CCDC146: variants seen among roughly 807,000 people sequenced by gnomAD.
The protein encoded by CCDC146 is coiled-coil domain-containing protein 146.
In CCDC146, 92 loss-of-function variants were observed where a neutral mutation model predicts 119.3. The ratio of observed to expected loss-of-function variants is 0.77; its 90% CI spans 0.65 to 0.92. The LOEUF (loss-of-function observed/expected upper bound fraction) is 0.92, where lower values mean the gene tolerates loss of function less well. Among genes scored for constraint, CCDC146 ranks in the 40% least tolerant of loss-of-function variants. The pLI, the probability that CCDC146 is intolerant of heterozygous loss-of-function variation, is 0.00. For synonymous variants in CCDC146, 372 were observed against 371.8 expected, an observed-to-expected ratio of 1.00 and a Z score of -0.01; for missense variants, 1,000 against 1,103.0, an observed-to-expected ratio of 0.91 and a Z score of 1.32.
At chr7:77,242,073 T>C (rs1289404349) in intron 4 of CCDC146, among the ~76,000 whole-genome samples, 173 bp downstream of exon 4, 1 of 152,234 alleles carries the variant, frequency 6.6e-6, no homozygotes, top group Non-Finnish European at 1.5e-5. Flanking sequence ...ACAAGAAAGT[T>C]ACACTTCTCG....
chr7:77,167,059 C>T (rs1248314796), intron 1 of CCDC146, among the ~76,000 whole-genome samples: 1 of 152,160 alleles, frequency 6.6e-6, no homozygotes, highest in Non-Finnish European at 1.5e-5. Flanking sequence ...ATTAAAAGAA[C>T]AGCAGAACTT....
intron 17 of CCDC146, among the ~76,000 whole-genome samples, chr7:77,288,332 A>G (rs975537393): frequency 1.3e-5 from 2 of 152,174 alleles, no homozygotes; most frequent in Non-Finnish European, 2.9e-5. Flanking sequence ...TAAAGAAAAG[A>G]GGTTTATTTT....
At chr7:77,189,952 A>G (rs564108265) in intron 2 of CCDC146, among the ~76,000 whole-genome samples, 1 of 152,134 alleles carries the variant, frequency 6.6e-6, no homozygotes, top group South Asian at 2.1e-4. Flanking sequence ...GGTATTTATC[A>G]TGTATTTGTC....
intron 2 of CCDC146, among the ~76,000 whole-genome samples, chr7:77,183,986 A>T (rs184709991): frequency 6.3e-4 from 96 of 152,324 alleles, no homozygotes; most frequent in Admixed American, 5.6e-3. Flanking sequence ...TGGATTACTG[A>T]ATGTATTTCC....
chr7:77,168,965 C>A lies in CCDC146; in HGVS notation c.156+1141C>A, dbSNP rs534856711. ...CAGGAAATTAACATTGATATAATACCATTTTCTAATCTGCATACCTTATTC... is the reference window on the plus strand; with the variant it reads ...CAGGAAATTAACATTGATATAATACAATTTTCTAATCTGCATACCTTATTC... On this transcript the variant is annotated intron_variant, in intron 2 of 18. Transcript: ENST00000285871. 2.5e-3 allele frequency among the ~76,000 whole-genome samples: 374 copies of A among 151,934 alleles called. 5 individuals are homozygous for A. Among genetic ancestry groups the A allele is most frequent in the Middle Eastern group, 3.4e-3 (1 of 292 alleles).
intron 2 of CCDC146, among the ~76,000 whole-genome samples, chr7:77,183,080 A>G (rs1478490717): frequency 6.6e-6 from 1 of 152,166 alleles, no homozygotes; most frequent in Non-Finnish European, 1.5e-5. Flanking sequence ...AAATGGAGGC[A>G]TGACTTTCAC....
chr7:77,235,188 G>T (rs376340932), intron 2 of CCDC146, among the ~76,000 whole-genome samples: 204 of 152,264 alleles, frequency 1.3e-3, no homozygotes, highest in South Asian at 0.012. Context: ...GGTAATCTGG[G>T]CCCTTTCCTC....
chr7:77,208,008 C>T lies in CCDC146; in HGVS notation c.157-28939C>T, dbSNP rs117295468. 1.1e-3 allele frequency among the ~76,000 whole-genome samples: 169 copies of T among 152,256 alleles called. 1 individual carries two copies. The highest frequency in any genetic ancestry group is 2.5e-3 in the South Asian group (12 of 4,824). ...CCCTGGGAATAACAAGGGTGAAAAACGGACACATCCTTGACTTTGTGGTGC... is the reference window on the plus strand; with the variant it reads ...CCCTGGGAATAACAAGGGTGAAAAATGGACACATCCTTGACTTTGTGGTGC... On this transcript the variant is annotated intron_variant, in intron 2 of 18. Transcript: ENST00000285871.
At chr7:77,140,576 C>T (rs1208285291) in intron 1 of CCDC146, among the ~76,000 whole-genome samples, 1 of 152,160 alleles carries the variant, frequency 6.6e-6, no homozygotes. Context: ...CTAATCCCAT[C>T]GTGAGGCTCC....
rs1025865508 is a variant in CCDC146, at chr7:77,175,395, A to G, written c.156+7571A>G. 2.7e-5 allele frequency among the ~76,000 whole-genome samples: 4 copies of G among 149,640 alleles called. 1 individual carries two copies. Among genetic ancestry groups the G allele is most frequent in the African/African-American group, 1.0e-4 (4 of 39,730 alleles). ...AGGAGCATTGCATTTGGGAGGCATAAAAGGGAGAACAAACATTGTAGGGAA... is the reference window on the plus strand; with the variant it reads ...AGGAGCATTGCATTTGGGAGGCATAGAAGGGAGAACAAACATTGTAGGGAA... On this transcript the variant is annotated intron_variant, in intron 2 of 18. Coordinates refer to ENST00000285871, the MANE Select transcript of CCDC146 (RefSeq NM_020879.3).
intron 2 of CCDC146, among the ~76,000 whole-genome samples, chr7:77,200,523 C>T (rs187090403): frequency 2.0e-5 from 3 of 152,212 alleles, no homozygotes; most frequent in Non-Finnish European, 4.4e-5. Flanking sequence ...GCCTCCTTTG[C>T]CCTTCGACAT....
intron 9 of CCDC146, 23 bp from the exon 10 acceptor site, chr7:77,273,671 T>G (rs1480858501): frequency 1.3e-6 from 2 of 1,551,994 alleles, no homozygotes; most frequent in Non-Finnish European, 1.8e-6. Flanking sequence ...CATAAATGCA[T>G]GTTTTTAAAT....
chr7:77,161,522 T>A (rs1432398008), intron 1 of CCDC146, among the ~76,000 whole-genome samples: 1 of 151,234 alleles, frequency 6.6e-6, no homozygotes, highest in Non-Finnish European at 1.5e-5. Flanking sequence ...TCATTCTCAG[T>A]AAACTATCAC....
intron 4 of CCDC146, among the ~76,000 whole-genome samples, chr7:77,250,806 G>C (rs879669821): frequency 4.1e-5 from 6 of 145,038 alleles, no homozygotes; most frequent in Admixed American, 1.4e-4. Flanking sequence ...AGAGTTCTTG[G>C]ATATTCTGGT....
chr7:77,123,185 T>G (rs1790648444), intron 1 of CCDC146, among the ~76,000 whole-genome samples: 1 of 150,894 alleles, frequency 6.6e-6, no homozygotes, highest in Non-Finnish European at 1.5e-5. Context: ...GATCAGAACT[T>G]GTTTTGAGAA....
intron 2 of CCDC146, among the ~76,000 whole-genome samples, chr7:77,229,577 CT>C (rs1792580251): frequency 6.6e-6 from 1 of 152,188 alleles, no homozygotes; most frequent in African/African-American, 2.4e-5. Flanking sequence ...AATAGGGAGT[CT>C]TTTCCCCATT....
chr7:77,278,673 A>G (rs1793703482), intron 11 of CCDC146, 79 bp from the exon 12 acceptor site: 3 of 988,382 alleles, frequency 3.0e-6, no homozygotes, highest in Non-Finnish European at 4.6e-6. Context: ...AATTGTCTTT[A>G]ATGGAAGGGA....
intron 2 of CCDC146, among the ~76,000 whole-genome samples, chr7:77,173,435 C>T: frequency 6.6e-6 from 1 of 151,996 alleles, no homozygotes. Context: ...TCCAGACCAG[C>T]CTGGCCAACA....
In CCDC146 at chr7:77,177,436, C is replaced by T. The variant is rs566131237; in HGVS notation, c.156+9612C>T. 1.6e-4 allele frequency among the ~76,000 whole-genome samples: 25 copies of T among 152,240 alleles called. No homozygotes were observed. In the South Asian group the frequency reaches 5.0e-3, roughly 30 times the overall value. ...TAGGAGTTTTGAGATATTGCTATTTCCATCTTAAAGATTCTGGAAGATTGA... is the reference window on the plus strand; with the variant it reads ...TAGGAGTTTTGAGATATTGCTATTTTCATCTTAAAGATTCTGGAAGATTGA... On this transcript the variant is annotated intron_variant, in intron 2 of 18. Coordinates refer to ENST00000285871, the MANE Select transcript of CCDC146 (RefSeq NM_020879.3).
Sources: allele counts gnomAD v4.1 joint callset (sites outside exome capture counted in the v4.1 genomes callset), GRCh38; gene constraint gnomAD v4.1.1; transcripts MANE v1.5; gene names NCBI Gene and HGNC (gene_info 2026-07-23, HGNC 2026-07-21).